Variants in ABLIM3 observed in about 807,000 individuals in gnomAD.
ABLIM3 encodes actin-binding LIM protein 3.
Under a neutral mutation model 109.5 loss-of-function variants are expected in ABLIM3, and 61 were observed. That is an observed-to-expected ratio of 0.56 (90% CI 0.45 to 0.69). The LOEUF is 0.69. ABLIM3 is among the 30% of genes least tolerant of loss of function. The probability of loss-of-function intolerance (pLI) is 0.00; values close to 1 mark genes in which losing one functional copy is unlikely to be tolerated. For synonymous variants in ABLIM3, 300 were observed against 324.8 expected (o/e 0.92, Z 0.82); for missense variants, 796 against 889.5 (o/e 0.89, Z 1.34).
intron 2 of ABLIM3, 117 bp downstream of exon 2, chr5:149,142,225 C>G: frequency 1.4e-6 from 2 of 1,430,658 alleles, no homozygotes; most frequent in Non-Finnish European, 2.0e-6. Context: ...GGACACATGA[C>G]CCCCAGGCTC....
At chr5:149,142,872 G>A (rs890052006) in intron 2 of ABLIM3, among the ~76,000 whole-genome samples, 1 of 152,136 alleles carries the variant, frequency 6.6e-6, no homozygotes. Flanking sequence ...TGTGACCTGG[G>A]AGGGCATATC....
intron 12 of ABLIM3, 123 bp downstream of exon 12, chr5:149,239,400 AG>A: frequency 3.6e-6 from 4 of 1,108,290 alleles, no homozygotes; most frequent in Non-Finnish European, 5.5e-6. Context: ...CAAGCAGGGA[AG>A]TGCTGGAGAG....
intron 5 of ABLIM3, among the ~76,000 whole-genome samples, chr5:149,203,702 CATTATT>C (rs72371258): frequency 6.6e-6 from 1 of 151,758 alleles, no homozygotes; most frequent in Non-Finnish European, 1.5e-5. Flanking sequence ...CCATCACCAC[CATTATT>C]ATTACCACCA....
chr5:149,242,733 A>G (rs188963880), intron 15 of ABLIM3, 195 bp downstream of exon 15: 1 of 627,078 alleles, frequency 1.6e-6, no homozygotes, highest in African/African-American at 1.8e-5. Context: ...CAAAGTCCTC[A>G]TGTCCCCTCA....
At chr5:149,179,851 C>A (rs573255008) in intron 2 of ABLIM3, among the ~76,000 whole-genome samples, 2 of 152,282 alleles carry the variant, frequency 1.3e-5, no homozygotes, top group African/African-American at 4.8e-5. Context: ...GCCCAGTGGT[C>A]ACCTGTGACT....
chr5:149,209,593 G>T (rs750297082), intron 6 of ABLIM3, among the ~76,000 whole-genome samples: 5 of 152,226 alleles, frequency 3.3e-5, no homozygotes, highest in Non-Finnish European at 5.9e-5. Flanking sequence ...AAAAGAGATT[G>T]TGTTGGCATT....
chr5:149,224,055 A>C (rs1354737010), intron 8 of ABLIM3, among the ~76,000 whole-genome samples: 1 of 152,202 alleles, frequency 6.6e-6, no homozygotes, highest in African/African-American at 2.4e-5. Flanking sequence ...ATTTTTAAGA[A>C]TACTTAGCAT....
intron 3 of ABLIM3, among the ~76,000 whole-genome samples, chr5:149,184,124 C>T (rs1404683274): frequency 1.3e-5 from 2 of 152,080 alleles, no homozygotes; most frequent in Non-Finnish European, 2.9e-5. Flanking sequence ...TTACAGCTTA[C>T]ACAGGGCTAA....
chr5:149,213,221 C>T (rs1561593801), intron 7 of ABLIM3, among the ~76,000 whole-genome samples: 1 of 152,146 alleles, frequency 6.6e-6, no homozygotes, highest in Admixed American at 6.5e-5. Context: ...AATAGCACCA[C>T]CAGAGTCCTC....
At chr5:149,235,031 A>T (rs1435232135) in intron 10 of ABLIM3, among the ~76,000 whole-genome samples, 1 of 152,212 alleles carries the variant, frequency 6.6e-6, no homozygotes, top group East Asian at 1.9e-4. Flanking sequence ...GGCAGCTAGG[A>T]ACACCTGCGC....
At chr5:149,148,765 T>C (rs150206913) in intron 2 of ABLIM3, among the ~76,000 whole-genome samples, 18 of 152,308 alleles carry the variant, frequency 1.2e-4, no homozygotes, top group African/African-American at 4.3e-4. Flanking sequence ...TCAGTGTCCT[T>C]GTCACATGTG....
In ABLIM3 at chr5:149,239,793, G is replaced by A. The variant is rs539880543; in HGVS notation, c.1109G>A (p.Arg370Gln). The A allele has an allele frequency of 3.3e-5, 53 of 1,607,844 alleles. No homozygotes were observed. Among genetic ancestry groups the A allele is most frequent in the Non-Finnish European group, 4.2e-5 (49 of 1,177,158 alleles). ...IYENLDLRQR[R>Q]ASSPGYIDSP... ...GAGAACCTGGACCTCCGGCAGAGAC[G>A]GGCCTCCAGCCCGGGGTACATAGAC... Residue 370 changes from arginine (R) to glutamine (Q), a missense_variant, in exon 13 of 24, where the codon CGG becomes CAG. Transcript: ENST00000309868.
intron 5 of ABLIM3, among the ~76,000 whole-genome samples, chr5:149,201,380 C>T (rs546145047): frequency 9.9e-5 from 15 of 152,242 alleles, no homozygotes; most frequent in African/African-American, 3.6e-4. Context: ...CATCACTGTG[C>T]GGGTGCAGGG....
intron 5 of ABLIM3, among the ~76,000 whole-genome samples, chr5:149,205,505 T>C (rs1327566734): frequency 6.6e-6 from 1 of 152,168 alleles, no homozygotes; most frequent in African/African-American, 2.4e-5. Context: ...TCTACAGTCC[T>C]TGGGTTCCTC....
At chr5:149,211,504 A>G (rs1759549652) in intron 7 of ABLIM3, among the ~76,000 whole-genome samples, 1 of 152,226 alleles carries the variant, frequency 6.6e-6, no homozygotes, top group Non-Finnish European at 1.5e-5. Context: ...ATAATAGCCT[A>G]ACAGGAATAA....
chr5:149,162,691 T>G (rs980043138), intron 2 of ABLIM3, among the ~76,000 whole-genome samples: 4 of 152,142 alleles, frequency 2.6e-5, no homozygotes, highest in Admixed American at 2.0e-4. Context: ...GTATCTAGAT[T>G]GGGAAGAACA....
At chr5:149,250,103 A>G (rs746257193) in intron 19 of ABLIM3, among the ~76,000 whole-genome samples, 10 of 152,178 alleles carry the variant, frequency 6.6e-5, no homozygotes, top group Non-Finnish European at 1.3e-4. Context: ...GAGCCTTCCT[A>G]CCTGAGTTCT....
rs139256881 is a variant in ABLIM3, at chr5:149,177,856, A to G, written c.14-5596A>G. Among the ~76,000 whole-genome samples the G allele has an allele frequency of 4.0e-3, 607 of 152,298 alleles. 5 individuals are homozygous for G. The highest frequency in any genetic ancestry group is 0.014 in the African/African-American group (574 of 41,550). ...CTTATTGAGGCCAAGCAATGCACTA[A>G]GCACTTTTCTATAATTTAAGTAATT... is the stretch of plus-strand genomic sequence containing the variant. On this transcript the variant is annotated intron_variant, in intron 2 of 23. Coordinates refer to ENST00000309868, the MANE Select transcript of ABLIM3 (RefSeq NM_014945.5).
chr5:149,236,506 G>A (rs1401219016), intron 10 of ABLIM3, among the ~76,000 whole-genome samples: 4 of 152,110 alleles, frequency 2.6e-5, no homozygotes, highest in Non-Finnish European at 5.9e-5. Context: ...GGGAACAGCT[G>A]GAGGACATGG....
Sources: gnomAD v4.1 joint callset for allele counts (sites outside exome capture counted in the v4.1 genomes callset) on GRCh38, gnomAD v4.1.1 for gene constraint, MANE v1.5 for transcripts, NCBI Gene and HGNC (gene_info 2026-07-23, HGNC 2026-07-21) for gene names.